Variants in FOXP1 observed in about 807,000 individuals in gnomAD.
FOXP1 encodes the protein forkhead box P1.
Under a neutral mutation model 98.2 loss-of-function variants are expected in FOXP1, and 15 were observed. The ratio of observed to expected loss-of-function variants is 0.15; its 90% confidence interval spans 0.10 to 0.24. The LOEUF (loss-of-function observed/expected upper bound fraction) is 0.24, where lower values mean the gene tolerates loss of function less well. FOXP1 is among the 10% of genes least tolerant of loss of function. The probability of loss-of-function intolerance (pLI) is 1.00; values close to 1 mark genes in which losing one functional copy is unlikely to be tolerated. For synonymous variants in FOXP1, 371 were observed against 314.5 expected (o/e 1.18, Z -1.90); for missense variants, 633 against 848.5 (o/e 0.75, Z 3.15).
intron 2 of FOXP1, among the ~76,000 whole-genome samples, chr3:71,508,384 GA>G (rs1560582600): frequency 6.6e-6 from 1 of 152,234 alleles, no homozygotes; most frequent in African/African-American, 2.4e-5. Flanking sequence ...CACTGTGACA[GA>G]AGCAGATGCT....
intron 2 of FOXP1, among the ~76,000 whole-genome samples, chr3:71,535,198 C>A (rs2044191419): frequency 6.6e-6 from 1 of 152,174 alleles, no homozygotes; most frequent in Non-Finnish European, 1.5e-5. Context: ...GCCCTGCTTA[C>A]TGGTGACTTC....
intron 5 of FOXP1, among the ~76,000 whole-genome samples, chr3:71,254,123 T>G (rs925611188): frequency 6.6e-6 from 1 of 152,182 alleles, no homozygotes; most frequent in African/African-American, 2.4e-5. Context: ...ATTTTAAAAT[T>G]TCTAAACATT....
intron 3 of FOXP1, among the ~76,000 whole-genome samples, chr3:71,491,911 G>A (rs984713264): frequency 6.6e-6 from 1 of 152,104 alleles, no homozygotes; most frequent in Non-Finnish European, 1.5e-5. Flanking sequence ...ATCATCAGAG[G>A]AGGCTTAAAA....
intron 2 of FOXP1, among the ~76,000 whole-genome samples, chr3:71,525,707 C>G (rs935976000): frequency 2.6e-5 from 4 of 152,092 alleles, no homozygotes; most frequent in African/African-American, 9.7e-5. Flanking sequence ...TCACCTTCTT[C>G]TACTGGCAAG....
At chr3:71,092,199 A>C (rs1370008442) in intron 7 of FOXP1, among the ~76,000 whole-genome samples, 7 of 150,644 alleles carry the variant, frequency 4.6e-5, no homozygotes, top group Non-Finnish European at 1.0e-4. Context: ...CAGAAAAAAA[A>C]CAAAAAACAA....
At chr3:71,264,184 GAAT>G (rs1444419807) in intron 5 of FOXP1, among the ~76,000 whole-genome samples, 1 of 152,174 alleles carries the variant, frequency 6.6e-6, no homozygotes, top group Non-Finnish European at 1.5e-5. Context: ...ACCCAATGGA[GAAT>G]TTAAAGCTCA....
chr3:71,289,197 T>C (rs1332000843), intron 5 of FOXP1, among the ~76,000 whole-genome samples: 2 of 151,998 alleles, frequency 1.3e-5, no homozygotes, highest in African/African-American at 4.8e-5. Flanking sequence ...TGAGCCACCA[T>C]GCCGAGCTAG....
chr3:71,487,256 A>G (rs1577788976), intron 3 of FOXP1, among the ~76,000 whole-genome samples: 1 of 152,194 alleles, frequency 6.6e-6, no homozygotes, highest in African/African-American at 2.4e-5. Context: ...AATGTGGTGC[A>G]CACATATTGC....
In FOXP1 at chr3:70,956,823, G is replaced by A; in HGVS notation, c.*2424C>T. The A allele has an allele frequency of 1.2e-5, 2 of 173,266 alleles. No homozygotes were observed. Among genetic ancestry groups the A allele is most frequent in the Non-Finnish European group, 2.1e-5 (2 of 93,076 alleles). The allele number at this position is 173,266 out of a possible 1,614,324, so 10.7% of individuals were successfully genotyped here. A position where few individuals can be genotyped will look rare whatever the true frequency, so the allele number is the denominator to read the frequency against. On this transcript the variant is annotated 3_prime_UTR_variant, in exon 21 of 21. Transcript: ENST00000649528. ...CCCTTTATACAGAAAGCAGAGTGAA[G>A]CTTCAAAAGTAACTGCCAGAGAAGT...
intron 5 of FOXP1, among the ~76,000 whole-genome samples, chr3:71,211,978 A>AT (rs1453223485): frequency 7.9e-5 from 12 of 152,336 alleles, no homozygotes; most frequent in African/African-American, 2.9e-4. Flanking sequence ...AAAGACTTTT[A>AT]TAATGCATGT....
intron 5 of FOXP1, among the ~76,000 whole-genome samples, chr3:71,216,026 GAT>G (rs2064888781): frequency 6.6e-6 from 1 of 152,196 alleles, no homozygotes; most frequent in Non-Finnish European, 1.5e-5. Flanking sequence ...TTATACTGTG[GAT>G]ACAAGTGGTT....
intron 11 of FOXP1, among the ~76,000 whole-genome samples, chr3:71,019,845 AAAAAACAAAAC>A (rs796792114): frequency 5.5e-5 from 7 of 126,862 alleles, no homozygotes; most frequent in South Asian, 2.7e-4. Context: ...CCCCCCCCAA[AAAAAACAAAAC>A]AAAACAAAAC....
At chr3:71,304,159 C>G (rs535411253) in intron 4 of FOXP1, among the ~76,000 whole-genome samples, 1 of 152,270 alleles carries the variant, frequency 6.6e-6, no homozygotes, top group Admixed American at 6.5e-5. Flanking sequence ...ATACATTAAG[C>G]CACGTGGTGC....
intron 5 of FOXP1, among the ~76,000 whole-genome samples, chr3:71,260,537 A>ATTTTTT (rs35677326): frequency 1.4e-5 from 2 of 143,134 alleles, no homozygotes; most frequent in African/African-American, 5.2e-5. Context: ...ATTTCCTTTA[A>ATTTTTT]TTTTTTTTTT....
chr3:71,084,943 A>G (rs189094081), intron 7 of FOXP1, among the ~76,000 whole-genome samples: 5 of 152,288 alleles, frequency 3.3e-5, no homozygotes, highest in African/African-American at 1.2e-4. Context: ...ATGAGGCACA[A>G]TAGTTGCTTG....
chr3:71,326,695 C>T (rs556724325), intron 4 of FOXP1, among the ~76,000 whole-genome samples: 1 of 152,250 alleles, frequency 6.6e-6, no homozygotes, highest in African/African-American at 2.4e-5. Context: ...ATCATGCTTA[C>T]TGGTTGGATG....
chr3:71,373,769 G>GAC (rs1193938067), intron 3 of FOXP1, among the ~76,000 whole-genome samples: 1 of 152,102 alleles, frequency 6.6e-6, no homozygotes, highest in Non-Finnish European at 1.5e-5. Flanking sequence ...AATGTTTCTG[G>GAC]ACACGCATCT....
intron 7 of FOXP1, among the ~76,000 whole-genome samples, chr3:71,102,730 T>TA (rs2057073394): frequency 6.6e-6 from 1 of 152,220 alleles, no homozygotes; most frequent in South Asian, 2.1e-4. Context: ...CGAGGAGCAT[T>TA]AAGCATCAGC....
intron 3 of FOXP1, among the ~76,000 whole-genome samples, chr3:71,442,138 G>C (rs1481233238): frequency 6.6e-6 from 1 of 152,024 alleles, no homozygotes; most frequent in African/African-American, 2.4e-5. Context: ...TTCAGACTTG[G>C]TGCCCCACTT....
Sources: allele counts gnomAD v4.1 joint callset (sites outside exome capture counted in the v4.1 genomes callset), GRCh38; gene constraint gnomAD v4.1.1; transcripts MANE v1.5; gene names NCBI Gene and HGNC (gene_info 2026-07-23, HGNC 2026-07-21).